NDC1: variants seen among roughly 807,000 people sequenced by gnomAD.
The protein encoded by NDC1 is NDC1 transmembrane nucleoporin.
Under a neutral mutation model 89.8 loss-of-function variants are expected in NDC1, and 24 were observed. The observed-to-expected ratio is 0.27, with a 90% CI of 0.19 to 0.38. NDC1 has a LOEUF of 0.38. Ranked by LOEUF, NDC1 falls within the 10% of genes least tolerant of loss-of-function variation. The pLI is 1.00. For missense variants in NDC1, 728 were observed against 797.6 expected, an observed-to-expected ratio of 0.91 and a Z score of 1.05; for synonymous variants, 296 against 284.8, an observed-to-expected ratio of 1.04 and a Z score of -0.39.
chr1:53,782,657 G>A (rs1647223003), intron 16 of NDC1, among the ~76,000 whole-genome samples: 1 of 152,132 alleles, frequency 6.6e-6, no homozygotes, highest in Non-Finnish European at 1.5e-5. Context: ...AAAAATTCAG[G>A]GGGTACAAAC....
chr1:53,838,291 C>A lies in NDC1; in HGVS notation c.-30G>T. ...ATGGCGGCCCCTAGTCTAGGGCGTA[C>A]AGGAGACCGTGCGCCCGCCCGCCAC... is the stretch of plus-strand genomic sequence containing the variant. On this transcript the variant is annotated 5_prime_UTR_variant, in exon 1 of 18. Coordinates refer to ENST00000371429, the MANE Select transcript of NDC1 (RefSeq NM_018087.5). The A allele has an allele frequency of 6.6e-7, 1 of 1,516,874 alleles. No homozygotes were observed. The highest frequency in any genetic ancestry group is 8.8e-7 in the Non-Finnish European group (1 of 1,132,958). 94.0% of individuals were successfully genotyped at this position (1,516,874 alleles called of 1,614,324 possible). A position where few individuals can be genotyped will look rare whatever the true frequency, so the allele number is the denominator to read the frequency against.
chr1:53,783,010 T>C (rs1189610536), intron 16 of NDC1, among the ~76,000 whole-genome samples: 1 of 152,180 alleles, frequency 6.6e-6, no homozygotes, highest in African/African-American at 2.4e-5. Flanking sequence ...TTTAAGAACA[T>C]GATTCTGAGA....
intron 16 of NDC1, among the ~76,000 whole-genome samples, chr1:53,778,203 G>A (rs1647177391): frequency 6.7e-6 from 1 of 148,526 alleles, no homozygotes; most frequent in Non-Finnish European, 1.5e-5. Context: ...CGATTAAGGG[G>A]ATTCTACCTC....
intron 17 of NDC1, 28 bp downstream of exon 17, chr1:53,772,300 TC>T (rs1325235449): frequency 3.1e-6 from 5 of 1,605,340 alleles, no homozygotes; most frequent in Non-Finnish European, 4.3e-6. Flanking sequence ...AGAATAGGTA[TC>T]ATCATGGATC....
chr1:53,791,435 GAAA>G (rs35668416), intron 14 of NDC1, among the ~76,000 whole-genome samples: 2 of 95,248 alleles, frequency 2.1e-5, no homozygotes, highest in African/African-American at 3.9e-5. Flanking sequence ...GACTCCGTCT[GAAA>G]AAAAAAAAAA....
intron 13 of NDC1, among the ~76,000 whole-genome samples, chr1:53,794,127 C>G (rs1218928308): frequency 2.6e-5 from 4 of 152,022 alleles, no homozygotes; most frequent in African/African-American, 7.2e-5. Flanking sequence ...AGGAATGCAC[C>G]ACCACACCCA....
Position 53,794,342 on chromosome 1 carries a change from C to T in NDC1, c.1585-1063G>A, listed in dbSNP as rs189005459. Among the ~76,000 whole-genome samples, 383 of 152,276 alleles carry T rather than the reference C, an allele frequency of 2.5e-3. 1 individual carries two copies. The highest frequency in any genetic ancestry group is 3.2e-3 in the Non-Finnish European group (220 of 68,012). On this transcript the variant is annotated intron_variant, in intron 13 of 17. Transcript: ENST00000371429. The stretch of plus-strand genomic sequence containing the variant: ...GTTCTTAGTATCAGCTAAAAGCTAA[C>T]CCAACTAACTTAAAAGTGAATCTGC...
In NDC1 at chr1:53,767,967, T is replaced by G; in HGVS notation, c.*3A>C. On this transcript the variant is annotated 3_prime_UTR_variant, in exon 18 of 18. Transcript: ENST00000371429. ...TGTAATGAACACAGTTTATATTACT[T>G]AACTATTCTTTGAACTCCAAGAACT... The G allele has an allele frequency of 6.3e-7, 1 of 1,587,576 alleles. No individual in the cohort carries two copies. The highest frequency in any genetic ancestry group is 8.6e-7 in the Non-Finnish European group (1 of 1,158,102).
At chr1:53,830,733 C>A (rs1002186686) in intron 3 of NDC1, among the ~76,000 whole-genome samples, 19 of 148,426 alleles carry the variant, frequency 1.3e-4, no homozygotes, top group African/African-American at 4.2e-4. Flanking sequence ...GTGGTGGTGC[C>A]TGCCTGTAAT....
At chr1:53,838,126 C>G in intron 1 of NDC1, 79 bp downstream of exon 1, 1 of 1,380,150 alleles carries the variant, frequency 7.2e-7, no homozygotes, top group Non-Finnish European at 9.8e-7. Flanking sequence ...CCCTCCCCCG[C>G]CCAGCGCGCA....
At chr1:53,789,869 C>T (rs1229993265) in intron 14 of NDC1, among the ~76,000 whole-genome samples, 7 of 151,080 alleles carry the variant, frequency 4.6e-5, no homozygotes, top group African/African-American at 9.7e-5. Flanking sequence ...TTTGGGAGGC[C>T]GAGGTGGGTA....
intron 5 of NDC1, among the ~76,000 whole-genome samples, chr1:53,820,800 T>C (rs2100681912): frequency 7.4e-6 from 1 of 135,768 alleles, no homozygotes; most frequent in Admixed American, 8.2e-5. Flanking sequence ...TACCTCTACC[T>C]CCCAGGTTCA....
chr1:53,835,145 T>C (rs1002707747), intron 2 of NDC1, among the ~76,000 whole-genome samples: 4 of 152,206 alleles, frequency 2.6e-5, no homozygotes, highest in Non-Finnish European at 4.4e-5. Flanking sequence ...TGTCATATTT[T>C]CTACCCACAA....
chr1:53,794,105 A>G (rs1340479938), intron 13 of NDC1, among the ~76,000 whole-genome samples: 2 of 151,874 alleles, frequency 1.3e-5, no homozygotes, highest in African/African-American at 2.4e-5. Context: ...CCTCCCAAGT[A>G]GCTAGGACTA....
At chr1:53,794,593 G>C (rs562146092) in intron 13 of NDC1, among the ~76,000 whole-genome samples, 115 of 152,266 alleles carry the variant, frequency 7.6e-4, no homozygotes, top group African/African-American at 2.5e-3. Context: ...AACATGACTG[G>C]GCGTGGTGGC....
In NDC1 at chr1:53,803,988, T is replaced by A. The variant is rs751803285; in HGVS notation, c.1006A>T (p.Met336Leu). The A allele has an allele frequency of 3.7e-6, 6 of 1,613,954 alleles. No homozygotes were observed. The highest frequency in any genetic ancestry group is 1.1e-5 in the South Asian group (1 of 91,074). Residue 336 changes from methionine (M) to leucine (L), a missense_variant, in exon 10 of 18, where the codon ATG becomes TTG. Coordinates refer to ENST00000371429, the MANE Select transcript of NDC1 (RefSeq NM_018087.5). Reference protein sequence around the residue: ...IIKYLALQDLMLLSQYSPSRR... With the variant: ...IIKYLALQDLLLLSQYSPSRR... ...GAAGGAGAATATTGAGAAAGCAACATCAGGTCCTGCAAGGCTAAATACTAA... is the reference window on the plus strand; with the variant it reads ...GAAGGAGAATATTGAGAAAGCAACAACAGGTCCTGCAAGGCTAAATACTAA...
At position 53,769,641 on chromosome 1, in the gene NDC1, C is replaced by T. The variant is rs553076647; in HGVS notation, c.1962-1608G>A. ...GCTCAAGAGCTAACTTCATTTATAC[C>T]TAGTTCTCAGAGGTAGAGCTTTGAA... On this transcript the variant is annotated intron_variant, in intron 17 of 17. Coordinates refer to ENST00000371429, the MANE Select transcript of NDC1 (RefSeq NM_018087.5). Among the ~76,000 whole-genome samples the T allele has an allele frequency of 3.3e-5, 5 of 152,248 alleles. No homozygotes were observed. The South Asian group carries it at 8.3e-4, about 25-fold the overall frequency.
intron 17 of NDC1, among the ~76,000 whole-genome samples, chr1:53,769,111 A>G (rs1343053793): frequency 2.6e-5 from 4 of 152,174 alleles, no homozygotes; most frequent in Non-Finnish European, 5.9e-5. Context: ...CAGGAGTTTG[A>G]GGCTGCAGTG....
intron 16 of NDC1, among the ~76,000 whole-genome samples, chr1:53,785,539 T>G (rs1570168965): frequency 6.6e-6 from 1 of 152,314 alleles, no homozygotes. Context: ...AATTGAGTGT[T>G]AAAGAAAGAA....
Sources: allele counts gnomAD v4.1 joint callset (sites outside exome capture counted in the v4.1 genomes callset), GRCh38; gene constraint gnomAD v4.1.1; transcripts MANE v1.5; gene names NCBI Gene and HGNC (gene_info 2026-07-23, HGNC 2026-07-21).